The following ATP10A variants were observed in gnomAD, a reference collection of about 807,000 sequenced individuals.
The protein encoded by ATP10A is ATPase phospholipid transporting 10A (putative).
Under a neutral mutation model 147.8 loss-of-function variants are expected in ATP10A, and 111 were observed. The ratio of observed to expected loss-of-function variants is 0.75; its 90% CI spans 0.64 to 0.88. The LOEUF is 0.88. Among genes scored for constraint, ATP10A ranks in the 40% least tolerant of loss-of-function variants. The probability of loss-of-function intolerance (pLI) is 0.00; values close to 1 mark genes in which losing one functional copy is unlikely to be tolerated. For synonymous variants in ATP10A, 875 were observed against 841.6 expected, an observed-to-expected ratio of 1.04 and a Z score of -0.69; for missense variants, 1,927 against 1,959.0, an observed-to-expected ratio of 0.98 and a Z score of 0.31.
intron 1 of ATP10A, among the ~76,000 whole-genome samples, chr15:25,786,712 G>A (rs1026961676): frequency 2.4e-5 from 3 of 126,588 alleles, no homozygotes; most frequent in Admixed American, 1.0e-4. Flanking sequence ...TGCAAGCTCC[G>A]CCTCCTGGGT....
intron 1 of ATP10A, among the ~76,000 whole-genome samples, chr15:25,841,970 C>T (rs1403660984): frequency 6.6e-6 from 1 of 152,164 alleles, no homozygotes; most frequent in South Asian, 2.1e-4. Context: ...TTTGTAGAAT[C>T]AGTCTTTCAT....
At chr15:25,846,431 G>C (rs1893027211) in intron 1 of ATP10A, among the ~76,000 whole-genome samples, 2 of 152,236 alleles carry the variant, frequency 1.3e-5, no homozygotes, top group Non-Finnish European at 2.9e-5. Flanking sequence ...GTGTGACAGT[G>C]ACAAGCCCCA....
chr15:25,853,727 A>G (rs1010485814), intron 1 of ATP10A, among the ~76,000 whole-genome samples: 8 of 152,090 alleles, frequency 5.3e-5, no homozygotes, highest in Admixed American at 2.0e-4. Flanking sequence ...CATGCAGGCC[A>G]TGGCATAGCA....
chr15:25,747,536 CAG>C (rs1294338521), intron 2 of ATP10A, among the ~76,000 whole-genome samples: 4 of 151,560 alleles, frequency 2.6e-5, no homozygotes, highest in Non-Finnish European at 5.9e-5. Context: ...TATATAATAA[CAG>C]AAATAAAAAA....
At chr15:25,824,824 G>A (rs558484650) in intron 1 of ATP10A, among the ~76,000 whole-genome samples, 15 of 152,206 alleles carry the variant, frequency 9.9e-5, no homozygotes, top group African/African-American at 3.4e-4. Flanking sequence ...TTACGTTTCC[G>A]TATTTCCTAC....
intron 1 of ATP10A, among the ~76,000 whole-genome samples, chr15:25,813,880 G>T (rs1361928121): frequency 6.6e-6 from 1 of 151,684 alleles, no homozygotes; most frequent in Non-Finnish European, 1.5e-5. Context: ...GAAATGAAAA[G>T]TACATCAGTA....
chr15:25,723,828 T>G lies in ATP10A; in HGVS notation c.1110+63A>C, dbSNP rs889301887. On this transcript the variant is annotated intron_variant, in intron 6 of 20. Coordinates refer to ENST00000555815, the MANE Select transcript of ATP10A (RefSeq NM_024490.4). ...TTTATAGGAAATTCTGAACAGAGTA[T>G]GATGATTTTAAGTTCTCTTCATAAA... The G allele has an allele frequency of 2.1e-6, 3 of 1,408,584 alleles. No homozygotes were observed. The African/African-American group carries it at 4.4e-5, about 21-fold the overall frequency. The allele number at this position is 1,408,584 out of a possible 1,614,324, so 87.3% of individuals were successfully genotyped here.
intron 1 of ATP10A, among the ~76,000 whole-genome samples, chr15:25,814,736 A>G (rs2140827851): frequency 6.6e-6 from 1 of 152,294 alleles, no homozygotes; most frequent in African/African-American, 2.4e-5. Context: ...GCTACCGTGC[A>G]TTGCCCTTGG....
At chr15:25,856,292 G>A (rs147919485) in intron 1 of ATP10A, among the ~76,000 whole-genome samples, 2,359 of 152,186 alleles carry the variant, frequency 0.016, 70 homozygotes, top group East Asian at 0.13. Context: ...TTTTACAAGC[G>A]TCTGGCATTT....
At chr15:25,811,898 A>T (rs1437427318) in intron 1 of ATP10A, among the ~76,000 whole-genome samples, 1 of 152,144 alleles carries the variant, frequency 6.6e-6, no homozygotes, top group East Asian at 1.9e-4. Context: ...AACACAGCTC[A>T]CACCCACCCC....
At chr15:25,794,466 A>G (rs1890573511) in intron 1 of ATP10A, among the ~76,000 whole-genome samples, 2 of 152,238 alleles carry the variant, frequency 1.3e-5, no homozygotes, top group South Asian at 4.1e-4. Context: ...GCTACAGAGT[A>G]TGATCAGTAA....
In ATP10A at chr15:25,718,335, G is replaced by T; in HGVS notation, c.1428C>A (p.Gly476=). 1 of 1,610,426 alleles carries T rather than the reference G, an allele frequency of 6.2e-7. No homozygotes were observed. ...SEEEEVVPRG[G]SVSQRGSIGS... ...CGATGCTGCCGCGCTGGGACACCGA[G>T]CCCCCTCTGGGCACCACCTCCTCCT... Residue 476 remains glycine, a synonymous_variant, in exon 8 of 21, where the codon GGC becomes GGA. Coordinates refer to ENST00000555815, the MANE Select transcript of ATP10A (RefSeq NM_024490.4).
downstream of ATP10A, among the ~76,000 whole-genome samples, chr15:25,673,870 C>G (rs1223732197): frequency 6.6e-6 from 1 of 152,216 alleles, no homozygotes; most frequent in Non-Finnish European, 1.5e-5. Context: ...TGCCTCAGTG[C>G]CCCACCTGTC....
intron 2 of ATP10A, among the ~76,000 whole-genome samples, chr15:25,767,316 T>C (rs1176053201): frequency 6.6e-6 from 1 of 152,162 alleles, no homozygotes; most frequent in Non-Finnish European, 1.5e-5. Flanking sequence ...CATGCAAGGC[T>C]GCTGTCACCA....
At chr15:25,791,088 T>TG (rs1350926770) in intron 1 of ATP10A, among the ~76,000 whole-genome samples, 2 of 151,584 alleles carry the variant, frequency 1.3e-5, no homozygotes, top group Non-Finnish European at 2.9e-5. Context: ...GCAAGTGTTT[T>TG]TTTTTTTTTT....
chr15:25,843,397 G>A (rs8024381), intron 1 of ATP10A, among the ~76,000 whole-genome samples: 25,717 of 152,020 alleles, frequency 0.17, 2,518 homozygotes, highest in South Asian at 0.35. Flanking sequence ...TGATTTAAAC[G>A]GGGAGTGGGG....
At position 25,714,136 on chromosome 15, in the gene ATP10A, G is replaced by A; in HGVS notation, c.1882C>T (p.Leu628=). 1 of 1,612,076 alleles carries A rather than the reference G, an allele frequency of 6.2e-7. No individual in the cohort carries two copies. The highest frequency in any genetic ancestry group is 8.5e-7 in the Non-Finnish European group (1 of 1,180,038). ...TTGTGGCTGGACTTGTTGGCGGCCAGGCTCCCGATGCTGCTGCAGCCTGAG... is the reference window on the plus strand; with the variant it reads ...TTGTGGCTGGACTTGTTGGCGGCCAAGCTCCCGATGCTGCTGCAGCCTGAG... ...LTSGCSSIGS[L]AANKSSHKLG... The change falls in exon 10 of 21, where the codon CTG becomes TTG. Residue 628 remains leucine (L), a synonymous_variant. Transcript: ENST00000555815.
downstream of ATP10A, among the ~76,000 whole-genome samples, chr15:25,673,111 G>A (rs544163852): frequency 2.0e-5 from 3 of 152,238 alleles, no homozygotes; most frequent in East Asian, 3.9e-4. Context: ...GGGCTCTGAG[G>A]GCTGCAGGGT....
intron 1 of ATP10A, among the ~76,000 whole-genome samples, chr15:25,842,358 C>T (rs1022875249): frequency 6.6e-6 from 1 of 152,256 alleles, no homozygotes; most frequent in Admixed American, 6.5e-5. Context: ...GTGTTGCTAC[C>T]CCCTCATGTC....
Sources: gnomAD v4.1 joint callset for allele counts (sites outside exome capture counted in the v4.1 genomes callset) on GRCh38, gnomAD v4.1.1 for gene constraint, MANE v1.5 for transcripts, NCBI Gene and HGNC (gene_info 2026-07-23, HGNC 2026-07-21) for gene names.